CUBN: variants seen among roughly 807,000 people sequenced by gnomAD.
CUBN encodes 460 kDa receptor.
CUBN carries 282 observed loss-of-function variants against 405.3 expected under a neutral mutation model. The observed-to-expected ratio is 0.70, with a 90% CI of 0.63 to 0.77. The LOEUF (loss-of-function observed/expected upper bound fraction) is 0.77. Among genes scored for constraint, CUBN ranks in the 30% least tolerant of loss-of-function variants. The pLI, the probability that CUBN is intolerant of heterozygous loss-of-function variation, is 0.00. For missense variants in CUBN, 4,514 were observed against 4,475.2 expected (o/e 1.01, Z -0.25); for synonymous variants, 1,684 against 1,617.0 (o/e 1.04, Z -0.99).
rs545811860 is a variant in CUBN, at chr10:17,094,225, C to G, written c.1765+5780G>C. On this transcript the variant is annotated intron_variant, in intron 14 of 66. Transcript: ENST00000377833. ...ACAACAAGAATTACTGCTGAGGTTCCTCTCCCCAAAAAAATTATGGAAGTG... is the reference window on the plus strand; with the variant it reads ...ACAACAAGAATTACTGCTGAGGTTCGTCTCCCCAAAAAAATTATGGAAGTG... Among the ~76,000 whole-genome samples the G allele has an allele frequency of 3.3e-5, 5 of 152,032 alleles. No homozygotes were observed. In the East Asian group the frequency reaches 9.7e-4, roughly 29 times the overall value.
chr10:17,075,073 CTTTTTTTTTT>C (rs957929670), intron 17 of CUBN, among the ~76,000 whole-genome samples: 6 of 65,328 alleles, frequency 9.2e-5, no homozygotes, highest in South Asian at 6.6e-4. Context: ...TCTTTGTTTT[CTTTTTTTTTT>C]TTTTTTTTTT....
At chr10:16,897,729 G>A (rs766740936) in intron 54 of CUBN, among the ~76,000 whole-genome samples, 9 of 152,098 alleles carry the variant, frequency 5.9e-5, no homozygotes, top group Non-Finnish European at 1.3e-4. Flanking sequence ...TACTGGTTCC[G>A]TCCACCCACA....
chr10:16,899,011 C>G lies in CUBN; in HGVS notation c.8583G>C (p.Gln2861His). The G allele has an allele frequency of 6.2e-7, 1 of 1,612,310 alleles. No individual in the cohort carries two copies. The highest frequency in any genetic ancestry group is 8.5e-7 in the Non-Finnish European group (1 of 1,178,338). Residue 2861 changes from glutamine (Q) to histidine (H), a missense_variant, in exon 54 of 67, where the codon CAG becomes CAC. Gln to His is a conservative substitution (Grantham distance 24, BLOSUM62 0). Coordinates refer to ENST00000377833, the MANE Select transcript of CUBN (RefSeq NM_001081.4). ...GTGTACTAACCTTCACGAAGCTATTCTGACATTGTCCATCACCGCTGGGGA... is the reference window on the plus strand; with the variant it reads ...GTGTACTAACCTTCACGAAGCTATTGTGACATTGTCCATCACCGCTGGGGA... Reference protein sequence around the residue: ...FLIPSGDGQCQNSFVKVWAGT... With the variant: ...FLIPSGDGQCHNSFVKVWAGT...
chr10:16,901,386 C>T lies in CUBN; in HGVS notation c.8136G>A (p.Leu2712=). ...SPNYPNAYDS[L]THCSSLLEAP... ...CCTCCAACAGCGAAGAGCAGTGGGT[C>T]AGGCTGTCATAAGCATTTGGATAGT... The change falls in exon 52 of 67, where the codon CTG becomes CTA. Residue 2712 remains leucine (L), a synonymous_variant. Coordinates refer to ENST00000377833, the MANE Select transcript of CUBN (RefSeq NM_001081.4). The T allele has an allele frequency of 1.9e-6, 3 of 1,614,080 alleles. No homozygotes were observed. Among genetic ancestry groups the T allele is most frequent in the Non-Finnish European group, 2.5e-6 (3 of 1,179,946 alleles).
rs764274125 is a variant in CUBN at position 16,940,041 on chromosome 10, A to T, written c.5539T>A (p.Phe1847Ile). ...AATAGAAACAACTTACTCTTCATAA[A>T]TGTGGCCTGGAAGCCCGTGCCGCTG... ...SGSGTGFQAT[F>I]MKIFGNDNIV... is the part of the protein sequence containing the mutation. Residue 1847 changes from phenylalanine to isoleucine, a missense_variant, in exon 37 of 67, where the codon TTT becomes ATT. Phe to Ile is a conservative substitution (Grantham distance 21). Coordinates refer to ENST00000377833, the MANE Select transcript of CUBN (RefSeq NM_001081.4). The T allele has an allele frequency of 6.2e-7, 1 of 1,613,536 alleles. No homozygotes were observed. Among genetic ancestry groups the T allele is most frequent in the South Asian group, 1.1e-5 (1 of 91,074 alleles).
intron 31 of CUBN, among the ~76,000 whole-genome samples, chr10:16,972,114 T>C (rs946442216): frequency 2.6e-5 from 4 of 152,152 alleles, no homozygotes; most frequent in Non-Finnish European, 5.9e-5. Flanking sequence ...TACCACTCTC[T>C]TCTGGTTCTC....
chr10:16,963,789 G>C (rs1210858026), intron 31 of CUBN, among the ~76,000 whole-genome samples: 1 of 152,184 alleles, frequency 6.6e-6, no homozygotes, highest in Non-Finnish European at 1.5e-5. Flanking sequence ...TGAGTGAATA[G>C]AGCAAGTTGA....
intron 14 of CUBN, among the ~76,000 whole-genome samples, chr10:17,089,021 G>C (rs1267443680): frequency 6.6e-6 from 1 of 152,112 alleles, no homozygotes; most frequent in Non-Finnish European, 1.5e-5. Flanking sequence ...ATTTAACAAA[G>C]AATCTGTAGT....
At position 16,918,629 on chromosome 10, in the gene CUBN, A is replaced by G; in HGVS notation, c.6993T>C (p.Tyr2331=). ...SPTHVGFKAK[Y]SIAQCGGRVP... is the part of the protein sequence containing the mutation. The stretch of plus-strand genomic sequence containing the variant: ...TTTTAAAAAAATTATTACCTATAGA[A>G]TACTTGGCCTTGAATCCCACATGTG... The change falls in exon 45 of 67, where the codon TAT becomes TAC. Residue 2331 remains tyrosine, a synonymous_variant. Transcript: ENST00000377833. 1 of 1,613,192 alleles carries G rather than the reference A, an allele frequency of 6.2e-7. No homozygotes were observed. Among genetic ancestry groups the G allele is most frequent in the Middle Eastern group, 1.7e-4 (1 of 6,044 alleles).
At chr10:16,918,923 A>T in intron 44 of CUBN, 123 bp from the exon 45 acceptor site, 1 of 940,910 alleles carries the variant, frequency 1.1e-6, no homozygotes, top group South Asian at 1.4e-5. Flanking sequence ...AAAAACTATG[A>T]TAGAATCAGC....
At chr10:16,977,677 GC>G in intron 31 of CUBN, among the ~76,000 whole-genome samples, 1 of 152,292 alleles carries the variant, frequency 6.6e-6, no homozygotes, top group Non-Finnish European at 1.5e-5. Context: ...TAAAACTTAA[GC>G]CATCTGAGGA....
intron 37 of CUBN, among the ~76,000 whole-genome samples, chr10:16,939,640 C>T (rs1296234708): frequency 6.6e-6 from 1 of 152,024 alleles, no homozygotes; most frequent in Non-Finnish European, 1.5e-5. Flanking sequence ...GCACTTAAGC[C>T]AATCCCAAAG....
At chr10:17,048,286 T>C (rs573151738) in intron 22 of CUBN, among the ~76,000 whole-genome samples, 2 of 152,366 alleles carry the variant, frequency 1.3e-5, no homozygotes, top group African/African-American at 4.8e-5. Context: ...CATTAGGTCA[T>C]TTATAAAACA....
chr10:17,110,396 A>T (rs185403879), intron 9 of CUBN, among the ~76,000 whole-genome samples: 2 of 152,334 alleles, frequency 1.3e-5, no homozygotes, highest in Non-Finnish European at 2.9e-5. Flanking sequence ...GACAGTTTGT[A>T]AAGTTTGTTG....
intron 31 of CUBN, among the ~76,000 whole-genome samples, chr10:16,962,402 A>G (rs929242798): frequency 6.6e-6 from 1 of 151,300 alleles, no homozygotes; most frequent in Admixed American, 6.6e-5. Context: ...ATGGGTAGGT[A>G]GGAGTGGGAG....
intron 59 of CUBN, among the ~76,000 whole-genome samples, chr10:16,858,680 A>G (rs145020475): frequency 6.6e-6 from 1 of 152,344 alleles, no homozygotes; most frequent in African/African-American, 2.4e-5. Flanking sequence ...ACAACTTCAC[A>G]AAGAAAAATG....
chr10:16,912,316 T>C (rs574984812), intron 48 of CUBN, among the ~76,000 whole-genome samples: 1 of 152,316 alleles, frequency 6.6e-6, no homozygotes, highest in South Asian at 2.1e-4. Context: ...GGGATAATGA[T>C]AGTACCTCTA....
At chr10:16,879,787 G>A (rs913665199) in intron 56 of CUBN, among the ~76,000 whole-genome samples, 43 of 152,084 alleles carry the variant, frequency 2.8e-4, no homozygotes, top group African/African-American at 9.7e-4. Context: ...AATTTCCATC[G>A]TATAAATACT....
chr10:16,869,495 CA>C (rs977274197), intron 59 of CUBN, 140 bp downstream of exon 59: 56 of 726,716 alleles, frequency 7.7e-5, no homozygotes, highest in Non-Finnish European at 1.3e-4. Flanking sequence ...GTTTTAAAAC[CA>C]AGCCCTTACA....
Sources: allele counts gnomAD v4.1 joint callset (sites outside exome capture counted in the v4.1 genomes callset), GRCh38; gene constraint gnomAD v4.1.1; transcripts MANE v1.5; gene names NCBI Gene and HGNC (gene_info 2026-07-23, HGNC 2026-07-21).